Variants in NCAM2 observed in about 807,000 individuals in gnomAD.
The protein encoded by NCAM2 is neural cell adhesion molecule 2.
A neutral mutation model predicts 98.1 loss-of-function variants in NCAM2; 30 were observed. That is an observed-to-expected ratio of 0.31 (90% CI 0.23 to 0.41). The LOEUF is 0.41. NCAM2 is among the 10% of genes least tolerant of loss of function. The pLI, the probability that NCAM2 is intolerant of heterozygous loss-of-function variation, is 1.00. For missense variants in NCAM2, 867 were observed against 1,005.8 expected, an observed-to-expected ratio of 0.86 and a Z score of 1.87; for synonymous variants, 368 against 342.4, an observed-to-expected ratio of 1.07 and a Z score of -0.83.
intron 5 of NCAM2, among the ~76,000 whole-genome samples, chr21:21,315,402 T>G (rs2147746199): frequency 6.6e-6 from 1 of 152,286 alleles, no homozygotes; most frequent in African/African-American, 2.4e-5. Context: ...TCACCACTTT[T>G]TAGTCCCCTG....
chr21:21,481,352 T>A (rs1569107525), intron 15 of NCAM2, among the ~76,000 whole-genome samples: 1 of 152,156 alleles, frequency 6.6e-6, no homozygotes, highest in Non-Finnish European at 1.5e-5. Flanking sequence ...GCGTAGTATC[T>A]TGGAAGTTAA....
rs78916000 is a variant in NCAM2, at chr21:21,512,688, A to G, written c.2282+3633A>G. Among the ~76,000 whole-genome samples the G allele has an allele frequency of 9.3e-4, 142 of 152,156 alleles. No individual in the cohort carries two copies. The East Asian group carries it at 0.023, about 25-fold the overall frequency. On this transcript the variant is annotated intron_variant, in intron 16 of 17. Transcript: ENST00000400546. Reference sequence around the variant, plus strand: ...GTAGATTTCTTTGAGTAGTATGGACATTTTGACAACATTTATTGTTTTAAT... The same window carrying G: ...GTAGATTTCTTTGAGTAGTATGGACGTTTTGACAACATTTATTGTTTTAAT...
chr21:21,158,273 C>T lies in NCAM2; in HGVS notation c.56-122305C>T, dbSNP rs1017821691. ...TTCACACTGTTTTACTTGAATACAG[C>T]TAAATGTGTGTATATATGGACCACA... On this transcript the variant is annotated intron_variant, in intron 1 of 17. Transcript: ENST00000400546. Among the ~76,000 whole-genome samples, 7 of 152,068 alleles carry T rather than the reference C, an allele frequency of 4.6e-5. 1 individual carries two copies. The South Asian group carries it at 1.4e-3, about 31-fold the overall frequency.
intron 1 of NCAM2, among the ~76,000 whole-genome samples, chr21:21,222,709 AC>A (rs1403825367): frequency 6.6e-6 from 1 of 152,186 alleles, no homozygotes; most frequent in Non-Finnish European, 1.5e-5. Context: ...TGGAGTCTAC[AC>A]CTGGTGAAGA....
intron 15 of NCAM2, among the ~76,000 whole-genome samples, chr21:21,506,796 A>T (rs915336350): frequency 2.0e-5 from 3 of 152,146 alleles, no homozygotes; most frequent in African/African-American, 7.2e-5. Context: ...AGGTATTGAA[A>T]TTGACATTAA....
intron 9 of NCAM2, among the ~76,000 whole-genome samples, chr21:21,409,102 A>G (rs750183029): frequency 1.1e-4 from 16 of 152,250 alleles, no homozygotes; most frequent in Middle Eastern, 6.8e-3. Flanking sequence ...GCAAAATTTT[A>G]GCTACAGCTT....
chr21:21,317,443 A>G (rs1049038187), intron 5 of NCAM2, among the ~76,000 whole-genome samples: 3 of 152,238 alleles, frequency 2.0e-5, no homozygotes, highest in Admixed American at 1.3e-4. Context: ...CTCTAAAAAT[A>G]CGTTCTGAAA....
intron 6 of NCAM2, among the ~76,000 whole-genome samples, chr21:21,331,887 G>T (rs111603139): frequency 7.0e-6 from 1 of 142,750 alleles, no homozygotes; most frequent in Non-Finnish European, 1.5e-5. Flanking sequence ...ACACCTGGCC[G>T]TATCCTGGGA....
intron 1 of NCAM2, among the ~76,000 whole-genome samples, chr21:21,243,179 G>T (rs2071134939): frequency 6.6e-6 from 1 of 152,166 alleles, no homozygotes; most frequent in African/African-American, 2.4e-5. Context: ...GCAGGCAGCA[G>T]TTGCATGAAA....
At chr21:21,425,717 G>GT (rs1326594497) in intron 11 of NCAM2, among the ~76,000 whole-genome samples, 1 of 152,062 alleles carries the variant, frequency 6.6e-6, no homozygotes, top group Non-Finnish European at 1.5e-5. Context: ...AATATAATTG[G>GT]TCAAATATTG....
chr21:21,050,819 T>G (rs772123540), intron 1 of NCAM2, among the ~76,000 whole-genome samples: 4 of 152,198 alleles, frequency 2.6e-5, no homozygotes, highest in Non-Finnish European at 5.9e-5. Flanking sequence ...ACGTAGACAC[T>G]ACAAATGTGA....
At chr21:21,080,885 G>T (rs2065783844) in intron 1 of NCAM2, among the ~76,000 whole-genome samples, 1 of 152,068 alleles carries the variant, frequency 6.6e-6, no homozygotes, top group East Asian at 1.9e-4. Flanking sequence ...AAGGGAGATT[G>T]AGGCAAGTTT....
intron 15 of NCAM2, among the ~76,000 whole-genome samples, chr21:21,493,856 A>T (rs1353802474): frequency 3.9e-5 from 6 of 151,960 alleles, no homozygotes; most frequent in Non-Finnish European, 5.9e-5. Flanking sequence ...ACATGCATTC[A>T]AGGTTTCTAC....
Position 21,410,358 on chromosome 21 carries a change from A to G in NCAM2, c.1280A>G (p.Asn427Ser), listed in dbSNP as rs2076830629. The change falls in exon 10 of 18, where the codon AAT becomes AGT. Residue 427 changes from asparagine (N) to serine (S), a missense_variant. Asn to Ser is a conservative substitution (Grantham distance 46). Around this residue, in one of 5 missense-constraint regions of NCAM2, gnomAD observed 5 missense variants for 20.5 expected, o/e 0.24. Coordinates refer to ENST00000400546, the MANE Select transcript of NCAM2 (RefSeq NM_004540.5). Reference protein sequence around the residue: ...PINISCDVKSNPPASIHWRRD... With the variant: ...PINISCDVKSSPPASIHWRRD... The stretch of plus-strand genomic sequence containing the variant: ...AATATAAGTTGTGATGTGAAATCGA[A>G]TCCACCAGCATCAATTCACTGGAGA... 1.2e-6 allele frequency: 2 copies of G among 1,601,390 alleles called. No individual in the cohort carries two copies. Among genetic ancestry groups the G allele is most frequent in the African/African-American group, 2.7e-5 (2 of 74,480 alleles).
At chr21:21,436,698 C>G (rs1978375772) in intron 12 of NCAM2, among the ~76,000 whole-genome samples, 1 of 151,552 alleles carries the variant, frequency 6.6e-6, no homozygotes, top group African/African-American at 2.4e-5. Context: ...GCACCTCTGA[C>G]TGGGTCTTAA....
chr21:21,379,829 G>A (rs1189459764), intron 9 of NCAM2, among the ~76,000 whole-genome samples: 1 of 151,754 alleles, frequency 6.6e-6, no homozygotes. Flanking sequence ...ATATATATAT[G>A]AGTTTATTAA....
At chr21:21,467,907 C>T (rs1047007763) in intron 13 of NCAM2, among the ~76,000 whole-genome samples, 2 of 151,870 alleles carry the variant, frequency 1.3e-5, no homozygotes, top group African/African-American at 4.8e-5. Context: ...ATGACAATAA[C>T]CTGCTGAGAA....
At chr21:21,395,105 G>A (rs545095939) in intron 9 of NCAM2, among the ~76,000 whole-genome samples, 3 of 152,268 alleles carry the variant, frequency 2.0e-5, no homozygotes, top group African/African-American at 4.8e-5. Context: ...GCCGAGGTAG[G>A]TGGATCACCT....
At chr21:21,532,694 C>G (rs978924636) in intron 16 of NCAM2, among the ~76,000 whole-genome samples, 1 of 152,058 alleles carries the variant, frequency 6.6e-6, no homozygotes, top group Non-Finnish European at 1.5e-5. Context: ...CACATTTCCA[C>G]AAATAGTATA....
Sources: gnomAD v4.1 joint callset for allele counts (sites outside exome capture counted in the v4.1 genomes callset) on GRCh38, gnomAD v4.1.1 for gene constraint, gnomAD v4.1.1 regional missense constraint, MANE v1.5 for transcripts, NCBI Gene and HGNC (gene_info 2026-07-23, HGNC 2026-07-21) for gene names.